The following GRM5 variants were observed in gnomAD, a reference collection of about 807,000 sequenced individuals.
GRM5 encodes the protein glutamate metabotropic receptor 5.
In GRM5, 19 loss-of-function variants were observed where a neutral mutation model predicts 83.1. That is an observed-to-expected ratio of 0.23 (90% CI 0.16 to 0.34). The LOEUF is 0.34. GRM5 is among the 10% of genes least tolerant of loss of function. The probability of loss-of-function intolerance (pLI) is 1.00; values close to 1 mark genes in which losing one functional copy is unlikely to be tolerated. For synonymous variants in GRM5, 675 were observed against 633.6 expected, an observed-to-expected ratio of 1.07 and a Z score of -0.98; for missense variants, 1,160 against 1,588.3, an observed-to-expected ratio of 0.73 and a Z score of 4.58.
chr11:88,523,268 C>T (rs554533065), intron 9 of GRM5, among the ~76,000 whole-genome samples: 75 of 152,192 alleles, frequency 4.9e-4, no homozygotes, highest in African/African-American at 1.8e-3. Flanking sequence ...GTTGTATTGC[C>T]CAATATTTTG....
At chr11:88,749,760 C>T (rs1227654999) in intron 3 of GRM5, among the ~76,000 whole-genome samples, 1 of 152,138 alleles carries the variant, frequency 6.6e-6, no homozygotes, top group Non-Finnish European at 1.5e-5. Context: ...AGAAACCCTA[C>T]AAGCCAGAAG....
At chr11:88,626,781 TAAGAG>T (rs1938808691) in intron 4 of GRM5, among the ~76,000 whole-genome samples, 1 of 152,144 alleles carries the variant, frequency 6.6e-6, no homozygotes, top group Admixed American at 6.6e-5. Context: ...TTAATGTCCT[TAAGAG>T]AAGAGATACC....
chr11:88,875,817 T>C (rs1372214767), intron 2 of GRM5, among the ~76,000 whole-genome samples: 1 of 152,110 alleles, frequency 6.6e-6, no homozygotes, highest in African/African-American at 2.4e-5. Context: ...GCTTTTCTTC[T>C]TAAGAGTAGT....
In GRM5 at chr11:88,720,097, C is replaced by T. The variant is rs111548220; in HGVS notation, c.912-66694G>A. Among the ~76,000 whole-genome samples the T allele has an allele frequency of 8.2e-3, 1,244 of 151,996 alleles. 14 individuals are homozygous for T. Among genetic ancestry groups the T allele is most frequent in the African/African-American group, 0.026 (1,095 of 41,508 alleles). On this transcript the variant is annotated intron_variant, in intron 3 of 9. Coordinates refer to ENST00000305447, the MANE Select transcript of GRM5 (RefSeq NM_001143831.3). ...TCTCTTCCCTAAAATATAAAAGTCCCGTGAAGACAGAACCTGGCATTTAGG... is the reference window on the plus strand; with the variant it reads ...TCTCTTCCCTAAAATATAAAAGTCCTGTGAAGACAGAACCTGGCATTTAGG...
chr11:88,563,871 G>A (rs1021571654), intron 8 of GRM5, among the ~76,000 whole-genome samples: 1 of 152,132 alleles, frequency 6.6e-6, no homozygotes, highest in Non-Finnish European at 1.5e-5. Flanking sequence ...TGCATAACCA[G>A]CTATATCCTA....
intron 8 of GRM5, among the ~76,000 whole-genome samples, chr11:88,562,872 T>C (rs1359496355): frequency 6.6e-6 from 1 of 152,162 alleles, no homozygotes; most frequent in East Asian, 1.9e-4. Context: ...GCAATTCTTA[T>C]GGGACTCTGA....
In GRM5 at chr11:89,048,081, A is replaced by G. The variant is rs1476220126; in HGVS notation, c.-200-9T>C. On this transcript the variant is annotated splice_polypyrimidine_tract_variant and intron_variant, in intron 1 of 9. Coordinates refer to ENST00000305447, the MANE Select transcript of GRM5 (RefSeq NM_001143831.3). ...GTCATGATCTTCTAAACCTGAAAAA[A>G]AAAAAATAACATGGGTCTTTAACAA... 3.7e-6 allele frequency: 2 copies of G among 535,942 alleles called. No individual in the cohort carries two copies. The highest frequency in any genetic ancestry group is 2.6e-5 in the South Asian group (1 of 37,794). The allele number at this position is 535,942 out of a possible 1,614,324, so 33.2% of individuals were successfully genotyped here. A position where few individuals can be genotyped will look rare whatever the true frequency, so the allele number is the denominator to read the frequency against.
intron 3 of GRM5, among the ~76,000 whole-genome samples, chr11:88,677,407 C>T (rs1403506952): frequency 6.6e-6 from 1 of 152,068 alleles, no homozygotes; most frequent in East Asian, 1.9e-4. Flanking sequence ...TTAGATTTCT[C>T]TTAGCCTACT....
In GRM5 at chr11:88,604,759, T is replaced by A; in HGVS notation, c.1353A>T (p.Gly451=). 6.2e-7 allele frequency: 1 copy of A among 1,612,396 alleles called. No individual in the cohort carries two copies. Among genetic ancestry groups the A allele is most frequent in the Non-Finnish European group, 8.5e-7 (1 of 1,178,550 alleles). ...LMKTNFTGVS[G]DTILFDENGD... The stretch of plus-strand genomic sequence containing the variant: ...CATTCTCATCGAATAGGATCGTATC[T>A]CCAGAAACCCCAGTAAAATTGGTTT... The change falls in exon 5 of 10, where the codon GGA becomes GGT. Residue 451 remains glycine, a synonymous_variant. Transcript: ENST00000305447.
At chr11:88,647,622 GCAATGGCAACAAAAGA>G (rs1202388985) in intron 4 of GRM5, among the ~76,000 whole-genome samples, 2 of 152,008 alleles carry the variant, frequency 1.3e-5, no homozygotes, top group African/African-American at 2.4e-5. Flanking sequence ...AACACCAAAA[GCAATGGCAACAAAAGA>G]CAAAATTGAC....
chr11:88,621,822 A>G (rs1175021640), intron 4 of GRM5, among the ~76,000 whole-genome samples: 1 of 152,218 alleles, frequency 6.6e-6, no homozygotes, highest in African/African-American at 2.4e-5. Flanking sequence ...GAAGTAGAAA[A>G]TTGCAAAAAC....
At chr11:88,845,534 C>T (rs1483853427) in intron 3 of GRM5, among the ~76,000 whole-genome samples, 5 of 147,282 alleles carry the variant, frequency 3.4e-5, no homozygotes, top group Admixed American at 2.8e-4. Context: ...CCCGGGTTTG[C>T]GCCATTCTCC....
chr11:88,995,982 C>CAAAGAAAGAAAAAAGA (rs1344210500), intron 2 of GRM5, among the ~76,000 whole-genome samples: 1 of 148,020 alleles, frequency 6.8e-6, no homozygotes, highest in African/African-American at 2.5e-5. Context: ...AAACCATAAC[C>CAAAGAAAGAAAAAAGA]AAAGAAAGAA....
chr11:88,717,441 C>T (rs1175045393), intron 3 of GRM5, among the ~76,000 whole-genome samples: 2 of 151,680 alleles, frequency 1.3e-5, no homozygotes, highest in Non-Finnish European at 2.9e-5. Context: ...CATAAAAACC[C>T]TATATACTAG....
chr11:88,658,627 G>C (rs1301391216), intron 3 of GRM5, among the ~76,000 whole-genome samples: 2 of 152,204 alleles, frequency 1.3e-5, no homozygotes, highest in African/African-American at 4.8e-5. Flanking sequence ...CCTAAATGCA[G>C]TGGGAGAGCA....
chr11:88,648,806 AAAAAG>A (rs1330202096), intron 4 of GRM5, among the ~76,000 whole-genome samples: 2 of 151,960 alleles, frequency 1.3e-5, no homozygotes, highest in East Asian at 1.9e-4. Flanking sequence ...GAATCATAGA[AAAAAG>A]AAAAGACTAC....
intron 2 of GRM5, among the ~76,000 whole-genome samples, chr11:88,920,369 A>G (rs1316340639): frequency 6.6e-6 from 1 of 151,516 alleles, no homozygotes; most frequent in East Asian, 1.9e-4. Context: ...AAATAGACCA[A>G]TAACAAGTAA....
intron 3 of GRM5, among the ~76,000 whole-genome samples, chr11:88,825,319 CAAAT>C (rs1943877137): frequency 6.6e-6 from 1 of 151,998 alleles, no homozygotes; most frequent in East Asian, 1.9e-4. Flanking sequence ...GAACACCCCT[CAAAT>C]AAGATTGAAA....
chr11:88,742,212 G>A (rs1159413786), intron 3 of GRM5, among the ~76,000 whole-genome samples: 1 of 151,998 alleles, frequency 6.6e-6, no homozygotes, highest in South Asian at 2.1e-4. Flanking sequence ...TTCTAGAAAG[G>A]TGTAATAATA....
Sources: gnomAD v4.1 joint callset for allele counts (sites outside exome capture counted in the v4.1 genomes callset) on GRCh38, gnomAD v4.1.1 for gene constraint, MANE v1.5 for transcripts, NCBI Gene and HGNC (gene_info 2026-07-23, HGNC 2026-07-21) for gene names.